The following PSTPIP2 variants were observed in gnomAD, a reference collection of about 807,000 sequenced individuals.
PSTPIP2 encodes proline-serine-threonine phosphatase interacting protein 2, also known as proline-serine-threonine phosphatase-interacting protein 2.
In PSTPIP2, 33 loss-of-function variants were observed where a neutral mutation model predicts 63.3. That is an observed-to-expected ratio of 0.52 (90% CI 0.40 to 0.70). The LOEUF (loss-of-function observed/expected upper bound fraction) is 0.70, where lower values mean the gene tolerates loss of function less well. PSTPIP2 is among the 30% of genes least tolerant of loss of function. PSTPIP2 has a pLI of 0.00. For synonymous variants in PSTPIP2, 125 were observed against 132.7 expected (o/e 0.94, Z 0.40); for missense variants, 312 against 400.7 (o/e 0.78, Z 1.89).
chr18:46,034,883 C>G (rs565506213), intron 2 of PSTPIP2, among the ~76,000 whole-genome samples: 14 of 152,266 alleles, frequency 9.2e-5, no homozygotes, highest in Admixed American at 7.8e-4. Flanking sequence ...CTTCAATAAA[C>G]AGCAGCTATT....
In PSTPIP2 at chr18:45,997,897, C is replaced by T. The variant is rs188809550; in HGVS notation, c.563-69G>A. On this transcript the variant is annotated intron_variant, in intron 8 of 14. Coordinates refer to ENST00000409746, the MANE Select transcript of PSTPIP2 (RefSeq NM_024430.4). Reference sequence around the variant, plus strand: ...GGTGGCTCGCAGATACACCCACAGGCTGGTCTCAGATGGCAAAAGAAACTC... The same window carrying T: ...GGTGGCTCGCAGATACACCCACAGGTTGGTCTCAGATGGCAAAAGAAACTC... 1.4e-5 allele frequency: 20 copies of T among 1,411,954 alleles called. No homozygotes were observed. The East Asian group carries it at 4.4e-4, about 31-fold the overall frequency. The allele number at this position is 1,411,954 out of a possible 1,614,324, so 87.5% of individuals were successfully genotyped here.
At chr18:46,014,062 G>A (rs547872479) in intron 4 of PSTPIP2, among the ~76,000 whole-genome samples, 58 of 151,450 alleles carry the variant, frequency 3.8e-4, no homozygotes, top group African/African-American at 5.3e-4. Context: ...TTACTCTGTC[G>A]CCCACGCTGG....
chr18:46,066,632 A>G (rs1031518945), intron 1 of PSTPIP2, among the ~76,000 whole-genome samples: 4 of 152,152 alleles, frequency 2.6e-5, no homozygotes, highest in African/African-American at 9.7e-5. Context: ...TTTGTGCTGC[A>G]CCCCTTCTTG....
intron 1 of PSTPIP2, among the ~76,000 whole-genome samples, chr18:46,064,457 A>ATTTTTTTTT (rs34169328): frequency 9.4e-6 from 1 of 106,064 alleles, no homozygotes; most frequent in Admixed American, 1.1e-4. Context: ...CACCTGGCTA[A>ATTTTTTTTT]TTTTTTTTTT....
At chr18:46,030,086 C>A (rs1435447210) in intron 2 of PSTPIP2, among the ~76,000 whole-genome samples, 2 of 151,526 alleles carry the variant, frequency 1.3e-5, no homozygotes, top group Admixed American at 6.6e-5. Flanking sequence ...TGCACTCCAG[C>A]CTCCGTGACA....
At chr18:46,062,185 A>AT (rs1325870293) in intron 1 of PSTPIP2, among the ~76,000 whole-genome samples, 5 of 152,128 alleles carry the variant, frequency 3.3e-5, no homozygotes, top group Non-Finnish European at 5.9e-5. Context: ...AGCTTATTCA[A>AT]GTCTTCCTTC....
chr18:46,061,888 T>C (rs1322198375), intron 1 of PSTPIP2, among the ~76,000 whole-genome samples: 1 of 152,212 alleles, frequency 6.6e-6, no homozygotes, highest in Admixed American at 6.5e-5. Context: ...TTTGAAGCAG[T>C]GAAGGGACTT....
At chr18:45,985,899 C>T (rs973784201) in intron 14 of PSTPIP2, among the ~76,000 whole-genome samples, 1 of 151,958 alleles carries the variant, frequency 6.6e-6, no homozygotes. Context: ...GCCTCAGCCT[C>T]CCAAGTAGCT....
chr18:46,028,523 G>GCTGCGGCGT, intron 2 of PSTPIP2: 1 of 656,186 alleles, frequency 1.5e-6, no homozygotes, highest in Non-Finnish European at 2.9e-6. Context: ...AGGACACGCT[G>GCTGCGGCGT]CTGCGGCGTC....
In PSTPIP2 at chr18:46,047,605, G is replaced by A. The variant is rs111256170; in HGVS notation, c.34-7558C>T. Among the ~76,000 whole-genome samples the A allele has an allele frequency of 6.2e-3, 947 of 152,220 alleles. 19 individuals are homozygous for A. Among genetic ancestry groups the A allele is most frequent in the Admixed American group, 0.032 (491 of 15,286 alleles). On this transcript the variant is annotated intron_variant, in intron 1 of 14. Transcript: ENST00000409746. Reference sequence around the variant, plus strand: ...AGAATGTGCCTGAGGCAGGAGAATCGCTTGAACGTGGGAAACAGAGGTTGT... The same window carrying A: ...AGAATGTGCCTGAGGCAGGAGAATCACTTGAACGTGGGAAACAGAGGTTGT...
intron 13 of PSTPIP2, chr18:45,989,652 T>C (rs1475932383): frequency 6.6e-6 from 1 of 152,246 alleles, no homozygotes; most frequent in Non-Finnish European, 1.5e-5. Flanking sequence ...TTGTGAGTAA[T>C]ACAGAAGACA....
intron 6 of PSTPIP2, among the ~76,000 whole-genome samples, chr18:46,002,382 T>C (rs1488344801): frequency 6.6e-6 from 1 of 152,200 alleles, no homozygotes; most frequent in African/African-American, 2.4e-5. Flanking sequence ...TTAGATCTTT[T>C]CTTATAGTGC....
At chr18:46,057,145 A>C (rs958155107) in intron 1 of PSTPIP2, among the ~76,000 whole-genome samples, 9 of 151,818 alleles carry the variant, frequency 5.9e-5, no homozygotes, top group African/African-American at 2.2e-4. Context: ...CTCCCCCTTA[A>C]ATTTTACGTG....
intron 2 of PSTPIP2, among the ~76,000 whole-genome samples, chr18:46,032,914 G>C (rs1250287832): frequency 6.6e-6 from 1 of 152,146 alleles, no homozygotes; most frequent in Admixed American, 6.5e-5. Flanking sequence ...AAATCAGAGT[G>C]AACTGAAAAG....
At chr18:46,023,595 C>T (rs977275460) in intron 3 of PSTPIP2, among the ~76,000 whole-genome samples, 6 of 151,840 alleles carry the variant, frequency 4.0e-5, no homozygotes, top group African/African-American at 1.5e-4. Flanking sequence ...TGCAAAATCT[C>T]CTATAGTTAT....
chr18:46,064,373 C>T (rs538946137), intron 1 of PSTPIP2, among the ~76,000 whole-genome samples: 15 of 147,080 alleles, frequency 1.0e-4, no homozygotes, highest in Non-Finnish European at 1.6e-4. Context: ...TCACTGCAAC[C>T]GCCCCCTCCC....
At chr18:45,996,191 T>C (rs556788672) in intron 9 of PSTPIP2, among the ~76,000 whole-genome samples, 1 of 152,236 alleles carries the variant, frequency 6.6e-6, no homozygotes, top group African/African-American at 2.4e-5. Flanking sequence ...AAGTTCTCCA[T>C]GCCCAAGAAG....
chr18:46,068,270 T>C (rs1909264830), intron 1 of PSTPIP2, among the ~76,000 whole-genome samples: 1 of 152,140 alleles, frequency 6.6e-6, no homozygotes, highest in African/African-American at 2.4e-5. Flanking sequence ...CACCATTTTA[T>C]AGAAAGAATC....
At chr18:46,055,032 T>C (rs1277399476) in intron 1 of PSTPIP2, among the ~76,000 whole-genome samples, 1 of 152,212 alleles carries the variant, frequency 6.6e-6, no homozygotes. Context: ...AAATTGGCTC[T>C]TGTCAACTGA....
Sources: gnomAD v4.1 joint callset for allele counts (sites outside exome capture counted in the v4.1 genomes callset) on GRCh38, gnomAD v4.1.1 for gene constraint, MANE v1.5 for transcripts, NCBI Gene and HGNC (gene_info 2026-07-23, HGNC 2026-07-21) for gene names.